AP4E1: variants seen among roughly 807,000 people sequenced by gnomAD.
AP4E1 encodes the protein adaptor related protein complex 4 subunit epsilon 1, also known as AP-4 complex subunit epsilon-1.
A neutral mutation model predicts 128.2 loss-of-function variants in AP4E1; 56 were observed. The ratio of observed to expected loss-of-function variants is 0.44; its 90% CI spans 0.35 to 0.55. The LOEUF (loss-of-function observed/expected upper bound fraction) is 0.55, where lower values mean the gene tolerates loss of function less well. AP4E1 is among the 20% of genes least tolerant of loss of function. AP4E1 has a pLI of 0.00. For synonymous variants in AP4E1, 484 were observed against 473.1 expected, an observed-to-expected ratio of 1.02 and a Z score of -0.30; for missense variants, 1,324 against 1,307.7, an observed-to-expected ratio of 1.01 and a Z score of -0.19.
intron 14 of AP4E1, among the ~76,000 whole-genome samples, chr15:50,959,682 TCA>T (rs1397988234): frequency 6.6e-6 from 1 of 151,900 alleles, no homozygotes; most frequent in East Asian, 1.9e-4. Context: ...AATATTATCA[TCA>T]CACACACAAA....
chr15:50,997,403 C>T lies in AP4E1; in HGVS notation c.2424C>T (p.Thr808=). The change falls in exon 18 of 21, where the codon ACC becomes ACT. Residue 808 remains threonine, a synonymous_variant. Coordinates refer to ENST00000261842, the MANE Select transcript of AP4E1 (RefSeq NM_007347.5). ...KVKEAKSGET[T]STHNMTCSSF... is the part of the protein sequence containing the mutation. ...AAGAAGCTAAAAGTGGCGAAACAAC[C>T]AGTACTCATAATATGACCTGTTCTT... is the stretch of plus-strand genomic sequence containing the variant. 3 of 1,611,402 alleles carry T rather than the reference C, an allele frequency of 1.9e-6. No homozygotes were observed. The highest frequency in any genetic ancestry group is 2.5e-6 in the Non-Finnish European group (3 of 1,179,024).
chr15:50,993,516 C>T lies in AP4E1; in HGVS notation c.2237C>T (p.Thr746Ile). ...SIMENVDQAITKKDQSQVLTQ... is the reference protein window; with the variant it reads ...SIMENVDQAIIKKDQSQVLTQ... ...ATGGAGAATGTAGATCAAGCTATAACTAAAAAGGATCAATCTCAAGTTCTT... is the reference window on the plus strand; with the variant it reads ...ATGGAGAATGTAGATCAAGCTATAATTAAAAAGGATCAATCTCAAGTTCTT... Residue 746 changes from threonine (T) to isoleucine (I), a missense_variant, in exon 17 of 21, where the codon ACT (threonine) becomes ATT (isoleucine). Transcript: ENST00000261842. 6.2e-7 allele frequency: 1 copy of T among 1,613,842 alleles called. No homozygotes were observed. Among genetic ancestry groups the T allele is most frequent in the Middle Eastern group, 1.7e-4 (1 of 6,058 alleles).
At chr15:51,000,420 C>T (rs1246997987) in intron 19 of AP4E1, among the ~76,000 whole-genome samples, 1 of 152,100 alleles carries the variant, frequency 6.6e-6, no homozygotes, top group Non-Finnish European at 1.5e-5. Context: ...GGATTAGGGA[C>T]GAGGGCTACC....
intron 10 of AP4E1, among the ~76,000 whole-genome samples, chr15:50,944,215 A>C (rs569695614): frequency 6.6e-6 from 1 of 152,304 alleles, no homozygotes; most frequent in South Asian, 2.1e-4. Context: ...AACCTCTATC[A>C]AATGATACGG....
At chr15:50,946,682 G>A (rs964333287) in intron 10 of AP4E1, among the ~76,000 whole-genome samples, 1 of 152,062 alleles carries the variant, frequency 6.6e-6, no homozygotes, top group Non-Finnish European at 1.5e-5. Flanking sequence ...AAATTATCTT[G>A]CAGCTAATAT....
At chr15:50,985,894 C>T (rs2064716072) in intron 16 of AP4E1, among the ~76,000 whole-genome samples, 1 of 152,114 alleles carries the variant, frequency 6.6e-6, no homozygotes, top group Non-Finnish European at 1.5e-5. Flanking sequence ...CTATAAATTA[C>T]CTTGGGCAAT....
chr15:50,983,072 C>CAAAAAAAAAAATAAACAAAACAAAAAT (rs2064664551), intron 15 of AP4E1, among the ~76,000 whole-genome samples: 1 of 152,084 alleles, frequency 6.6e-6, no homozygotes, highest in Non-Finnish European at 1.5e-5. Flanking sequence ...AATAAAGAAA[C>CAAAAAAAAAAATAAACAAAACAAAAAT]AAAGTGGGAC....
intron 17 of AP4E1, among the ~76,000 whole-genome samples, chr15:50,994,849 A>AT (rs1188012608): frequency 1.3e-5 from 2 of 152,110 alleles, no homozygotes; most frequent in East Asian, 1.9e-4. Context: ...GTGATATTAG[A>AT]TTTTTTGTGG....
At chr15:50,947,993 T>A in intron 10 of AP4E1, 27 bp from the exon 11 acceptor site, 1 of 1,516,788 alleles carries the variant, frequency 6.6e-7, no homozygotes, top group Non-Finnish European at 9.1e-7. Flanking sequence ...TTTATAATAT[T>A]GTTTTTAATT....
intron 13 of AP4E1, among the ~76,000 whole-genome samples, chr15:50,951,587 A>G (rs541846974): frequency 6.6e-6 from 1 of 152,274 alleles, no homozygotes; most frequent in African/African-American, 2.4e-5. Context: ...ATTTTATAGA[A>G]TTGCCAAATG....
intron 16 of AP4E1, among the ~76,000 whole-genome samples, chr15:50,984,513 T>C (rs1361151037): frequency 7.1e-6 from 1 of 141,496 alleles, no homozygotes; most frequent in Non-Finnish European, 1.5e-5. Context: ...TGTGTCCAAG[T>C]GTTCTCAATG....
Position 50,997,390 on chromosome 15 carries a change from G to C in AP4E1, c.2411G>C (p.Ser804Thr). The C allele has an allele frequency of 6.2e-7, 1 of 1,606,554 alleles. No homozygotes were observed. Among genetic ancestry groups the C allele is most frequent in the Non-Finnish European group, 8.5e-7 (1 of 1,177,710 alleles). ...RRKSKVKEAK[S>T]GETTSTHNMT... is the part of the protein sequence containing the mutation. ...AAATCAAAAGTCAAAGAAGCTAAAA[G>C]TGGCGAAACAACCAGTACTCATAAT... Residue 804 changes from serine to threonine, a missense_variant, in exon 18 of 21, where the codon AGT becomes ACT. Ser to Thr is a moderately conservative substitution (Grantham distance 58). Coordinates refer to ENST00000261842, the MANE Select transcript of AP4E1 (RefSeq NM_007347.5).
intron 14 of AP4E1, among the ~76,000 whole-genome samples, chr15:50,961,929 C>A (rs1198349920): frequency 6.6e-6 from 1 of 150,532 alleles, no homozygotes; most frequent in Non-Finnish European, 1.5e-5. Context: ...AATCAACATA[C>A]AAAAATCAGT....
intron 10 of AP4E1, among the ~76,000 whole-genome samples, chr15:50,942,305 A>G (rs948952746): frequency 3.3e-5 from 5 of 152,136 alleles, no homozygotes; most frequent in African/African-American, 1.2e-4. Flanking sequence ...AGTTGAAGGA[A>G]TTAGGTCCAG....
chr15:50,927,296 T>G (rs1240809411), intron 5 of AP4E1, among the ~76,000 whole-genome samples: 2 of 152,246 alleles, frequency 1.3e-5, no homozygotes, highest in East Asian at 3.8e-4. Context: ...ATGGCCATAC[T>G]CAGCCCCATG....
chr15:50,991,369 A>C (rs57603576), intron 16 of AP4E1, among the ~76,000 whole-genome samples: 26,052 of 152,066 alleles, frequency 0.17, 2,456 homozygotes, highest in African/African-American at 0.23. Flanking sequence ...ATTTTGGTTA[A>C]AGGGAGTATA....
At chr15:50,960,535 T>A (rs1384142839) in intron 14 of AP4E1, among the ~76,000 whole-genome samples, 1 of 152,068 alleles carries the variant, frequency 6.6e-6, no homozygotes, top group Non-Finnish European at 1.5e-5. Context: ...ATTAGGTCAG[T>A]GAAGAAATTA....
intron 5 of AP4E1, among the ~76,000 whole-genome samples, chr15:50,925,632 CTTT>C (rs33980264): frequency 7.2e-6 from 1 of 138,054 alleles, no homozygotes. Flanking sequence ...TGGGAAGATG[CTTT>C]TTTTTTTTTT....
Position 50,929,066 on chromosome 15 carries a change from T to C in AP4E1, c.600T>C (p.Pro200=). ...LALYKFHLIA[P]NQVQHIHIKF... ...TATACAAATTCCATCTCATTGCTCCTAATCAAGTACAACATATTCATATTA... is the reference window on the plus strand; with the variant it reads ...TATACAAATTCCATCTCATTGCTCCCAATCAAGTACAACATATTCATATTA... The change falls in exon 6 of 21, where the codon CCT becomes CCC. Residue 200 remains proline, a synonymous_variant. Coordinates refer to ENST00000261842, the MANE Select transcript of AP4E1 (RefSeq NM_007347.5). The C allele has an allele frequency of 6.2e-7, 1 of 1,613,894 alleles. No individual in the cohort carries two copies. Among genetic ancestry groups the C allele is most frequent in the Non-Finnish European group, 8.5e-7 (1 of 1,179,872 alleles).
Sources: allele counts gnomAD v4.1 joint callset (sites outside exome capture counted in the v4.1 genomes callset), GRCh38; gene constraint gnomAD v4.1.1; transcripts MANE v1.5; gene names NCBI Gene and HGNC (gene_info 2026-07-23, HGNC 2026-07-21).